Variants in ENPP6 observed in about 807,000 individuals in gnomAD.
ENPP6 encodes glycerophosphocholine cholinephosphodiesterase ENPP6.
Under a neutral mutation model 42.0 loss-of-function variants are expected in ENPP6, and 32 were observed. The observed-to-expected ratio is 0.76, with a 90% CI of 0.58 to 1.02. The LOEUF is 1.02. Ranked by LOEUF, ENPP6 falls within the 50% of genes least tolerant of loss-of-function variation. ENPP6 has a pLI of 0.00. For missense variants in ENPP6, 552 were observed against 566.8 expected (o/e 0.97, Z 0.27); for synonymous variants, 213 against 216.0 (o/e 0.99, Z 0.12).
Position 184,139,329 on chromosome 4 carries a change from T to C in ENPP6, c.421+14225A>G, listed in dbSNP as rs1002830829. On this transcript the variant is annotated intron_variant, in intron 2 of 7. Coordinates refer to ENST00000296741, the MANE Select transcript of ENPP6 (RefSeq NM_153343.4). Reference sequence around the variant, plus strand: ...GGGAGCAAAGTTAATTATTCTGAGGTGAATTTTTTTTTTTTAGTTTTTTTT... The same window carrying C: ...GGGAGCAAAGTTAATTATTCTGAGGCGAATTTTTTTTTTTTAGTTTTTTTT... 2.4e-4 allele frequency among the ~76,000 whole-genome samples: 36 copies of C among 151,880 alleles called. 1 individual carries two copies. The highest frequency in any genetic ancestry group is 2.2e-3 in the Admixed American group (34 of 15,284).
intron 2 of ENPP6, among the ~76,000 whole-genome samples, chr4:184,135,820 T>C (rs1441240284): frequency 6.6e-6 from 1 of 152,210 alleles, no homozygotes; most frequent in Admixed American, 6.5e-5. Flanking sequence ...TCATCACTGT[T>C]CACCCAAGGG....
intron 1 of ENPP6, among the ~76,000 whole-genome samples, chr4:184,179,664 C>A (rs920856747): frequency 2.0e-5 from 3 of 151,448 alleles, no homozygotes; most frequent in Non-Finnish European, 4.4e-5. Flanking sequence ...ACAAAAAAAA[C>A]CACAGTCTCT....
intron 3 of ENPP6, among the ~76,000 whole-genome samples, chr4:184,119,925 C>G (rs4426829): frequency 0.29 from 44,055 of 152,034 alleles, 7,091 homozygotes; most frequent in Admixed American, 0.43. Flanking sequence ...TGTAGAACTG[C>G]GAGTCAATTA....
chr4:184,112,543 CAT>C, intron 6 of ENPP6, 127 bp downstream of exon 6: 1 of 1,144,724 alleles, frequency 8.7e-7, no homozygotes, highest in Non-Finnish European at 1.2e-6. Flanking sequence ...TAAAGAAAGA[CAT>C]AACGCAACAA....
chr4:184,174,833 C>A (rs960327777), intron 1 of ENPP6, among the ~76,000 whole-genome samples: 5 of 152,122 alleles, frequency 3.3e-5, no homozygotes, highest in African/African-American at 1.2e-4. Flanking sequence ...CTTCAATGAC[C>A]CAATGGCCAC....
intron 6 of ENPP6, among the ~76,000 whole-genome samples, chr4:184,105,816 A>G (rs1736078543): frequency 6.6e-6 from 1 of 152,218 alleles, no homozygotes. Context: ...ATTGTTGTTC[A>G]CAGCAACCAG....
Position 184,205,461 on chromosome 4 carries a change from G to C in ENPP6, c.241+12118C>G, listed in dbSNP as rs146739381. ...CAGGAGGAGCAGCGTGCTCAAGCAC[G>C]CCCAGCGGGACACAAGCAAGCGAAG... On this transcript the variant is annotated intron_variant, in intron 1 of 7. Transcript: ENST00000296741. Among the ~76,000 whole-genome samples, 476 of 152,350 alleles carry C rather than the reference G, an allele frequency of 3.1e-3. 1 individual carries two copies. The highest frequency in any genetic ancestry group is 7.0e-3 in the South Asian group (34 of 4,832).
At chr4:184,145,797 A>C (rs4421030) in intron 2 of ENPP6, among the ~76,000 whole-genome samples, 141,158 of 152,290 alleles carry the variant, frequency 0.93, 66,145 homozygotes, top group East Asian at 1. Flanking sequence ...TGCAGTTTGA[A>C]AACCTCCGAT....
intron 1 of ENPP6, among the ~76,000 whole-genome samples, chr4:184,162,164 T>C (rs1401479352): frequency 6.6e-6 from 1 of 152,146 alleles, no homozygotes; most frequent in Non-Finnish European, 1.5e-5. Context: ...CTTCCCTATT[T>C]TCTGCTCCAC....
intron 4 of ENPP6, among the ~76,000 whole-genome samples, chr4:184,117,411 C>A (rs564520519): frequency 7.5e-4 from 115 of 152,324 alleles, no homozygotes; most frequent in Middle Eastern, 6.8e-3. Context: ...CAAAACTGAA[C>A]ACTTGTAGTC....
At chr4:184,107,312 G>A (rs746161472) in intron 6 of ENPP6, among the ~76,000 whole-genome samples, 16 of 152,242 alleles carry the variant, frequency 1.1e-4, no homozygotes, top group Non-Finnish European at 1.9e-4. Context: ...CTGGACCTGT[G>A]GAGGCAGCCT....
At chr4:184,187,367 C>T (rs1374017386) in intron 1 of ENPP6, among the ~76,000 whole-genome samples, 1 of 152,174 alleles carries the variant, frequency 6.6e-6, no homozygotes, top group Non-Finnish European at 1.5e-5. Context: ...GACTCTGCTC[C>T]CTGCAGCAGA....
At chr4:184,174,086 A>G (rs1292404390) in intron 1 of ENPP6, among the ~76,000 whole-genome samples, 1 of 151,930 alleles carries the variant, frequency 6.6e-6, no homozygotes, top group Non-Finnish European at 1.5e-5. Flanking sequence ...CCGATGCCAC[A>G]GCTTTACTAA....
intron 4 of ENPP6, 26 bp from the exon 5 acceptor site, chr4:184,117,061 T>TA (rs753419696): frequency 1.2e-6 from 2 of 1,613,738 alleles, no homozygotes; most frequent in African/African-American, 2.7e-5. Context: ...AGACAGTCAT[T>TA]ACGGCACCAA....
chr4:184,116,809 A>C (rs781510597), intron 5 of ENPP6, 47 bp downstream of exon 5: 3 of 1,605,730 alleles, frequency 1.9e-6, no homozygotes, highest in Non-Finnish European at 2.6e-6. Context: ...ATGGCAACAC[A>C]CGAGGGCCCA....
chr4:184,213,647 G>C (rs1288156629), intron 1 of ENPP6, among the ~76,000 whole-genome samples: 2 of 149,530 alleles, frequency 1.3e-5, no homozygotes, highest in East Asian at 3.9e-4. Context: ...TGGTGGGACT[G>C]TAAACTAGTT....
chr4:184,152,634 C>T (rs181245789), intron 2 of ENPP6, among the ~76,000 whole-genome samples: 1 of 152,262 alleles, frequency 6.6e-6, no homozygotes, highest in East Asian at 1.9e-4. Context: ...GACCACTTAC[C>T]TAAATAATGA....
chr4:184,116,802 G>C, intron 5 of ENPP6, 54 bp downstream of exon 5: 1 of 1,597,248 alleles, frequency 6.3e-7, no homozygotes, highest in East Asian at 2.2e-5. Context: ...AGTGCAGATG[G>C]CAACACACGA....
intron 1 of ENPP6, among the ~76,000 whole-genome samples, chr4:184,205,343 C>T (rs371516631): frequency 5.9e-5 from 9 of 152,210 alleles, no homozygotes; most frequent in Admixed American, 1.3e-4. Flanking sequence ...CTGGGGAAGA[C>T]GCATCCGCCA....
Sources: gnomAD v4.1 joint callset for allele counts (sites outside exome capture counted in the v4.1 genomes callset) on GRCh38, gnomAD v4.1.1 for gene constraint, MANE v1.5 for transcripts, NCBI Gene and HGNC (gene_info 2026-07-23, HGNC 2026-07-21) for gene names.